Variants in PSMB7 observed in about 807,000 individuals in gnomAD.
PSMB7 encodes the protein proteasome subunit beta type-7.
Under a neutral mutation model 28.1 loss-of-function variants are expected in PSMB7, and 5 were observed. The observed-to-expected ratio is 0.18, with a 90% CI of 0.09 to 0.37. The LOEUF (loss-of-function observed/expected upper bound fraction) is 0.37, where lower values mean the gene tolerates loss of function less well. PSMB7 is among the 10% of genes least tolerant of loss of function. The probability of loss-of-function intolerance (pLI) is 1.00; values close to 1 mark genes in which losing one functional copy is unlikely to be tolerated. For missense variants in PSMB7, 275 were observed against 346.2 expected (o/e 0.79, Z 1.63); for synonymous variants, 122 against 123.7 (o/e 0.99, Z 0.09).
chr9:124,355,390 T>A (rs1830393870), intron 7 of PSMB7, among the ~76,000 whole-genome samples: 1 of 152,230 alleles, frequency 6.6e-6, no homozygotes, highest in Non-Finnish European at 1.5e-5. Flanking sequence ...TGAGGACTCC[T>A]GCGCTCAGCA....
intron 5 of PSMB7, among the ~76,000 whole-genome samples, chr9:124,387,844 C>A (rs962637100): frequency 2.7e-5 from 4 of 150,142 alleles, no homozygotes; most frequent in African/African-American, 4.9e-5. Context: ...AACATAATTT[C>A]AAGGCAATGC....
At chr9:124,407,812 A>C (rs1248124724) in intron 4 of PSMB7, among the ~76,000 whole-genome samples, 3 of 152,210 alleles carry the variant, frequency 2.0e-5, no homozygotes, top group Non-Finnish European at 4.4e-5. Context: ...AGAAATGGCT[A>C]AACTGATCCA....
intron 6 of PSMB7, among the ~76,000 whole-genome samples, chr9:124,371,083 T>C (rs990332506): frequency 3.3e-5 from 5 of 152,340 alleles, no homozygotes; most frequent in African/African-American, 1.2e-4. Context: ...ATATGCTGGA[T>C]TATCAATTCA....
At chr9:124,406,747 T>C (rs1204641396) in intron 4 of PSMB7, among the ~76,000 whole-genome samples, 1 of 152,190 alleles carries the variant, frequency 6.6e-6, no homozygotes, top group East Asian at 1.9e-4. Flanking sequence ...GAATATATTT[T>C]CCACCCACAC....
intron 1 of PSMB7, 110 bp downstream of exon 1, chr9:124,415,254 C>A (rs1384273538): frequency 2.5e-6 from 3 of 1,219,334 alleles, no homozygotes; most frequent in Non-Finnish European, 3.5e-6. Flanking sequence ...GGGCCACAGG[C>A]CCCGCCATGA....
intron 6 of PSMB7, among the ~76,000 whole-genome samples, chr9:124,361,668 G>T (rs1467372633): frequency 6.6e-6 from 1 of 152,226 alleles, no homozygotes; most frequent in Non-Finnish European, 1.5e-5. Flanking sequence ...TTGGCCCACT[G>T]CTAGCTATAA....
intron 4 of PSMB7, among the ~76,000 whole-genome samples, chr9:124,410,402 T>C (rs1308025282): frequency 6.6e-6 from 1 of 152,224 alleles, no homozygotes; most frequent in Non-Finnish European, 1.5e-5. Flanking sequence ...AACATCTTAT[T>C]TGCAGCAATT....
Position 124,353,576 on chromosome 9 carries a change from G to A in PSMB7, c.*22C>T, listed in dbSNP as rs1370719103. ...ATGCTCACCACCTTCCAGAACCGCG[G>A]CCAGCCACCCACTGATGCCATTCAG... is the stretch of plus-strand genomic sequence containing the variant. On this transcript the variant is annotated 3_prime_UTR_variant, in exon 8 of 8. Coordinates refer to ENST00000259457, the MANE Select transcript of PSMB7 (RefSeq NM_002799.4). The A allele has an allele frequency of 6.4e-7, 1 of 1,554,062 alleles. No individual in the cohort carries two copies. The highest frequency in any genetic ancestry group is 1.1e-5 in the South Asian group (1 of 89,788).
At chr9:124,398,267 GA>G (rs1375199560) in intron 5 of PSMB7, among the ~76,000 whole-genome samples, 1 of 151,976 alleles carries the variant, frequency 6.6e-6, no homozygotes, top group Non-Finnish European at 1.5e-5. Context: ...AGAAGGCAGG[GA>G]GGGGAGGGGT....
At position 124,415,411 on chromosome 9, in the gene PSMB7, C is replaced by G; in HGVS notation, c.15G>C (p.Ser5=). 1 of 1,614,090 alleles carries G rather than the reference C, an allele frequency of 6.2e-7. No homozygotes were observed. Among genetic ancestry groups the G allele is most frequent in the Non-Finnish European group, 8.5e-7 (1 of 1,179,982 alleles). The part of the protein sequence containing the change: MAAV[S]VYAPPVGGFS... The stretch of plus-strand genomic sequence containing the variant: ...AGCCTCCAACTGGTGGAGCATACAC[C>G]GACACAGCCGCCATCTTCCCAAGAA... Residue 5 remains serine (S), a synonymous_variant, in exon 1 of 8, where the codon TCG becomes TCC. Coordinates refer to ENST00000259457, the MANE Select transcript of PSMB7 (RefSeq NM_002799.4).
Position 124,415,412 on chromosome 9 carries a change from G to C in PSMB7, c.14C>G (p.Ser5Trp), listed in dbSNP as rs753371405. Residue 5 changes from serine (S) to tryptophan (W), a missense_variant, in exon 1 of 8, where the codon TCG (serine) becomes TGG (tryptophan). Transcript: ENST00000259457. The stretch of plus-strand genomic sequence containing the variant: ...GCCTCCAACTGGTGGAGCATACACC[G>C]ACACAGCCGCCATCTTCCCAAGAAA... MAAVSVYAPPVGGFS... is the reference protein window; with the variant it reads MAAVWVYAPPVGGFS... 7 of 1,613,984 alleles carry C rather than the reference G, an allele frequency of 4.3e-6. 1 individual carries two copies. The South Asian group carries it at 6.6e-5, about 15-fold the overall frequency.
chr9:124,406,383 T>C (rs943202562), intron 4 of PSMB7, among the ~76,000 whole-genome samples: 1 of 150,884 alleles, frequency 6.6e-6, no homozygotes, highest in Non-Finnish European at 1.5e-5. Context: ...GTACCTGTAG[T>C]CCCAGATACT....
At chr9:124,414,790 T>C in intron 2 of PSMB7, 52 bp downstream of exon 2, 2 of 1,486,574 alleles carry the variant, frequency 1.3e-6, no homozygotes, top group Non-Finnish European at 1.9e-6. Flanking sequence ...CCAAGTGTTC[T>C]GATTCCTGTT....
At chr9:124,405,584 G>C in intron 4 of PSMB7, 152 bp from the exon 5 acceptor site, 1 of 593,914 alleles carries the variant, frequency 1.7e-6, no homozygotes, top group Non-Finnish European at 3.0e-6. Context: ...ACAAAAAAGG[G>C]AAGGGAACAT....
At chr9:124,376,675 T>G (rs982123941) in intron 6 of PSMB7, among the ~76,000 whole-genome samples, 1 of 152,192 alleles carries the variant, frequency 6.6e-6, no homozygotes, top group Non-Finnish European at 1.5e-5. Context: ...ATTACAGGAA[T>G]AAGAAAGTGT....
intron 6 of PSMB7, among the ~76,000 whole-genome samples, chr9:124,372,997 G>A (rs1319961070): frequency 6.6e-6 from 1 of 152,152 alleles, no homozygotes; most frequent in Admixed American, 6.5e-5. Context: ...GACTGAAGAG[G>A]GCAGCCTTAA....
intron 3 of PSMB7, among the ~76,000 whole-genome samples, 169 bp downstream of exon 3, chr9:124,413,739 G>A (rs1032451434): frequency 6.6e-6 from 1 of 152,234 alleles, no homozygotes; most frequent in East Asian, 1.9e-4. Context: ...CTGAAGCAAA[G>A]AGAGGACTTG....
At position 124,365,939 on chromosome 9, in the gene PSMB7, A is replaced by G. The variant is rs532668162; in HGVS notation, c.571-9024T>C. On this transcript the variant is annotated intron_variant, in intron 6 of 7. Coordinates refer to ENST00000259457, the MANE Select transcript of PSMB7 (RefSeq NM_002799.4). ...CAAAAAACGAGAGAGAAAGGAGAGAAAGAGAGAGAGATTACTATCACTTTC... is the reference window on the plus strand; with the variant it reads ...CAAAAAACGAGAGAGAAAGGAGAGAGAGAGAGAGAGATTACTATCACTTTC... Among the ~76,000 whole-genome samples the G allele has an allele frequency of 7.9e-5, 12 of 152,268 alleles. No homozygotes were observed. The South Asian group carries it at 1.9e-3, about 24-fold the overall frequency.
At chr9:124,375,923 G>A (rs369450702) in intron 6 of PSMB7, among the ~76,000 whole-genome samples, 3 of 152,174 alleles carry the variant, frequency 2.0e-5, no homozygotes, top group African/African-American at 7.2e-5. Context: ...GGTGGGATTA[G>A]CCAGCAGCTT....
Sources: gnomAD v4.1 joint callset for allele counts (sites outside exome capture counted in the v4.1 genomes callset) on GRCh38, gnomAD v4.1.1 for gene constraint, MANE v1.5 for transcripts, NCBI Gene and HGNC (gene_info 2026-07-23, HGNC 2026-07-21) for gene names.